The following C3orf20 variants were observed in gnomAD, a reference collection of about 807,000 sequenced individuals.
C3orf20 encodes the protein family with sequence similarity 149 member C.
C3orf20 carries 76 observed loss-of-function variants against 88.3 expected under a neutral mutation model. That is an observed-to-expected ratio of 0.86 (90% CI 0.72 to 1.04). The LOEUF is 1.04. C3orf20 is among the 50% of genes least tolerant of loss of function. The pLI, the probability that C3orf20 is intolerant of heterozygous loss-of-function variation, is 0.00. For missense variants in C3orf20, 1,056 were observed against 1,123.3 expected (o/e 0.94, Z 0.86); for synonymous variants, 436 against 437.4 (o/e 1.00, Z 0.04).
At chr3:14,707,040 G>A (rs2033532365) in intron 7 of C3orf20, among the ~76,000 whole-genome samples, 1 of 151,982 alleles carries the variant, frequency 6.6e-6, no homozygotes, top group African/African-American at 2.4e-5. Context: ...ACGAGGTCAG[G>A]AGATCGAGTC....
In C3orf20 at chr3:14,772,672, C is replaced by A. The variant is rs1397475642; in HGVS notation, c.2631-119C>A. 8.0e-6 allele frequency: 6 copies of A among 753,372 alleles called. No homozygotes were observed. Among genetic ancestry groups the A allele is most frequent in the Non-Finnish European group, 1.3e-5 (6 of 444,706 alleles). 46.7% of individuals were successfully genotyped at this position (753,372 alleles called of 1,614,324 possible). ...CGGGGCCCTCTGGTTGGAACAGCAC[C>A]CAACAGCCTCACCTGTGCAAGGGAG... On this transcript the variant is annotated intron_variant, in intron 16 of 16. Transcript: ENST00000253697. This position sits in a 1 kb window ranked among gnomAD's most constrained non-coding sequence, Gnocchi z 4.2.
At chr3:14,677,521 C>T (rs1411612029) in intron 1 of C3orf20, among the ~76,000 whole-genome samples, 6 of 151,802 alleles carry the variant, frequency 4.0e-5, no homozygotes, top group Admixed American at 3.3e-4. Context: ...TTTTTTTAGA[C>T]GGGAGTTTCG....
At position 14,766,244 on chromosome 3, in the gene C3orf20, G is replaced by A. The variant is rs545940386; in HGVS notation, c.2495+4629G>A. On this transcript the variant is annotated intron_variant, in intron 15 of 16. Transcript: ENST00000253697. ...TCCCCAGGGCAGCCCTGTGCGGGGC[G>A]CTGGGTCACATCTGGCTCAGCCCCT... Among the ~76,000 whole-genome samples, 584 of 152,322 alleles carry A rather than the reference G, an allele frequency of 3.8e-3. 2 individuals are homozygous for A. Among genetic ancestry groups the A allele is most frequent in the Non-Finnish European group, 6.4e-3 (432 of 68,010 alleles).
chr3:14,690,393 A>G (rs1358428496), intron 5 of C3orf20, among the ~76,000 whole-genome samples: 2 of 152,158 alleles, frequency 1.3e-5, no homozygotes, highest in African/African-American at 2.4e-5. Flanking sequence ...CTCCTCTGGG[A>G]CAACATCCCA....
chr3:14,729,462 C>T (rs1344542077), intron 12 of C3orf20, among the ~76,000 whole-genome samples: 7 of 152,066 alleles, frequency 4.6e-5, no homozygotes, highest in African/African-American at 1.2e-4. Context: ...CACGAATTGA[C>T]GACTGAGACG....
intron 5 of C3orf20, among the ~76,000 whole-genome samples, chr3:14,690,910 G>A (rs781488761): frequency 1.9e-4 from 29 of 152,226 alleles, no homozygotes; most frequent in Admixed American, 3.9e-4. Flanking sequence ...TGGAAGCCAA[G>A]GAGCTTGGAT....
In C3orf20 at chr3:14,772,668, G is replaced by T; in HGVS notation, c.2631-123G>T. 1.4e-6 allele frequency: 1 copy of T among 727,948 alleles called. No homozygotes were observed. The allele number at this position is 727,948 out of a possible 1,614,324, so 45.1% of individuals were successfully genotyped here. On this transcript the variant is annotated intron_variant, in intron 16 of 16. Coordinates refer to ENST00000253697, the MANE Select transcript of C3orf20 (RefSeq NM_032137.5). This position sits in a 1 kb window ranked among gnomAD's most constrained non-coding sequence, Gnocchi z 4.2. ...CCACCGGGGCCCTCTGGTTGGAACAGCACCCAACAGCCTCACCTGTGCAAG... is the reference window on the plus strand; with the variant it reads ...CCACCGGGGCCCTCTGGTTGGAACATCACCCAACAGCCTCACCTGTGCAAG...
chr3:14,679,579 A>G (rs2031973403), intron 1 of C3orf20, among the ~76,000 whole-genome samples: 2 of 152,152 alleles, frequency 1.3e-5, no homozygotes, highest in Admixed American at 1.3e-4. Flanking sequence ...TCGTGGCTCA[A>G]AATGGTTGCT....
intron 7 of C3orf20, among the ~76,000 whole-genome samples, chr3:14,710,587 G>A (rs1250937283): frequency 6.6e-6 from 1 of 151,996 alleles, no homozygotes; most frequent in Admixed American, 6.6e-5. Context: ...TTTCCCTTGT[G>A]ATTTCTTTAT....
chr3:14,693,988 C>T (rs1170224133), intron 5 of C3orf20, among the ~76,000 whole-genome samples: 2 of 152,048 alleles, frequency 1.3e-5, no homozygotes, highest in African/African-American at 4.8e-5. Context: ...TAGGATGTAT[C>T]ACATTGATTG....
intron 12 of C3orf20, among the ~76,000 whole-genome samples, chr3:14,754,414 A>C (rs1293647374): frequency 6.6e-6 from 1 of 152,238 alleles, no homozygotes; most frequent in Admixed American, 6.5e-5. Flanking sequence ...AGCAAGGTGC[A>C]CCAGGAACAG....
Position 14,759,876 on chromosome 3 carries a change from T to C in C3orf20, c.2245-15T>C. On this transcript the variant is annotated splice_polypyrimidine_tract_variant and intron_variant, in intron 13 of 16. Transcript: ENST00000253697. ...GGCATGGGGGTGACCAGTTCTCATA[T>C]TTCTCTCCTGGTAGTGCCGGTATGA... 1 of 1,609,084 alleles carries C rather than the reference T, an allele frequency of 6.2e-7. No individual in the cohort carries two copies. Among genetic ancestry groups the C allele is most frequent in the Non-Finnish European group, 8.5e-7 (1 of 1,175,462 alleles).
At chr3:14,724,610 T>C (rs1035918337) in intron 10 of C3orf20, among the ~76,000 whole-genome samples, 4 of 152,242 alleles carry the variant, frequency 2.6e-5, no homozygotes, top group African/African-American at 9.6e-5. Flanking sequence ...CACACTGCAT[T>C]TCAAAGACTT....
At chr3:14,721,094 GCTC>G (rs564903415) in intron 9 of C3orf20, among the ~76,000 whole-genome samples, 130 of 152,300 alleles carry the variant, frequency 8.5e-4, no homozygotes, top group African/African-American at 3.1e-3. Context: ...CCCATCTTTG[GCTC>G]CTCCTCAGGG....
At chr3:14,702,440 C>CTTT (rs34341509) in intron 5 of C3orf20, among the ~76,000 whole-genome samples, 44 of 116,578 alleles carry the variant, frequency 3.8e-4, no homozygotes, top group African/African-American at 1.0e-3. Context: ...CCTCACATAT[C>CTTT]TTTTTTTTTT....
At chr3:14,680,625 G>T (rs147021802) in intron 1 of C3orf20, among the ~76,000 whole-genome samples, 186 of 151,962 alleles carry the variant, frequency 1.2e-3, no homozygotes, top group African/African-American at 4.0e-3. Context: ...TAAAAAGGGT[G>T]GATTGTATGT....
At chr3:14,688,539 AAAAAAAAG>A (rs1222561573) in intron 4 of C3orf20, among the ~76,000 whole-genome samples, 7 of 151,036 alleles carry the variant, frequency 4.6e-5, no homozygotes, top group Non-Finnish European at 1.0e-4. Flanking sequence ...CAAAAAAAAA[AAAAAAAAG>A]AAAAAAAAGA....
chr3:14,768,570 G>A lies in C3orf20; in HGVS notation c.2496-3497G>A, dbSNP rs2035779676. 6.6e-6 allele frequency among the ~76,000 whole-genome samples: 1 copy of A among 151,998 alleles called. No individual in the cohort carries two copies. Among genetic ancestry groups the A allele is most frequent in the South Asian group, 2.1e-4 (1 of 4,798 alleles). On this transcript the variant is annotated intron_variant, in intron 15 of 16. Coordinates refer to ENST00000253697, the MANE Select transcript of C3orf20 (RefSeq NM_032137.5). This position sits in a 1 kb window ranked among gnomAD's most constrained non-coding sequence, Gnocchi z 4.1. ...TCATGAACCTGGCAGGGACTGGGTT[G>A]GGGCTAAGCAGGGTATCATGAGCTT...
At chr3:14,771,483 G>T (rs902985605) in intron 15 of C3orf20, among the ~76,000 whole-genome samples, 5 of 152,244 alleles carry the variant, frequency 3.3e-5, no homozygotes, top group African/African-American at 1.2e-4. Flanking sequence ...CCCAGGCCTT[G>T]CTCCCTGTTC....
Sources: gnomAD v4.1 joint callset for allele counts (sites outside exome capture counted in the v4.1 genomes callset) on GRCh38, gnomAD v4.1.1 for gene constraint, Gnocchi (gnomAD v3.1) non-coding constraint, MANE v1.5 for transcripts, NCBI Gene and HGNC (gene_info 2026-07-23, HGNC 2026-07-21) for gene names.